VRK1: variants seen among roughly 807,000 people sequenced by gnomAD.
VRK1 encodes serine/threonine-protein kinase VRK1.
A neutral mutation model predicts 57.1 loss-of-function variants in VRK1; 33 were observed. The observed-to-expected ratio is 0.58, with a 90% CI of 0.44 to 0.77. VRK1 has a LOEUF of 0.77. VRK1 is among the 30% of genes least tolerant of loss of function. The pLI is 0.00. For synonymous variants in VRK1, 137 were observed against 147.8 expected (o/e 0.93, Z 0.53); for missense variants, 413 against 477.3 (o/e 0.87, Z 1.25).
At chr14:96,827,108 CACTAGGGA>C (rs1886825957) in intron 1 of VRK1, among the ~76,000 whole-genome samples, 1 of 147,154 alleles carries the variant, frequency 6.8e-6, no homozygotes, top group South Asian at 2.3e-4. Flanking sequence ...CAGGCAGGGG[CACTAGGGA>C]ACTTTATGGT....
chr14:96,868,198 T>C (rs1888659646), intron 11 of VRK1, among the ~76,000 whole-genome samples: 1 of 152,198 alleles, frequency 6.6e-6, no homozygotes, highest in Non-Finnish European at 1.5e-5. Context: ...TTCTCCAGTT[T>C]CTTTTTCTGG....
chr14:96,873,373 C>T (rs1030000930), intron 11 of VRK1, among the ~76,000 whole-genome samples: 2 of 152,148 alleles, frequency 1.3e-5, no homozygotes, highest in Non-Finnish European at 2.9e-5. Flanking sequence ...ATTAACTAAA[C>T]TTTAGCATAT....
chr14:96,800,342 A>G (rs1478536980), intron 1 of VRK1, among the ~76,000 whole-genome samples: 1 of 151,986 alleles, frequency 6.6e-6, no homozygotes, highest in East Asian at 1.9e-4. Context: ...ATCTCTCCCA[A>G]TGTTGTCTTA....
At chr14:96,853,607 G>A (rs550945173) in intron 7 of VRK1, among the ~76,000 whole-genome samples, 3 of 151,612 alleles carry the variant, frequency 2.0e-5, no homozygotes, top group African/African-American at 7.3e-5. Flanking sequence ...TATCTTAGCT[G>A]TCTAAATTTG....
chr14:96,810,286 A>G (rs1886119496), intron 1 of VRK1, among the ~76,000 whole-genome samples: 1 of 152,190 alleles, frequency 6.6e-6, no homozygotes, highest in Non-Finnish European at 1.5e-5. Flanking sequence ...TTTCACTCTC[A>G]TAAAGTTTTT....
intron 1 of VRK1, among the ~76,000 whole-genome samples, chr14:96,819,637 G>C (rs1886524032): frequency 6.6e-6 from 1 of 152,188 alleles, no homozygotes; most frequent in East Asian, 1.9e-4. Context: ...TTGCCAATGA[G>C]AAGTAAGTTA....
intron 12 of VRK1, among the ~76,000 whole-genome samples, chr14:96,878,756 G>T (rs977715221): frequency 5.3e-5 from 8 of 152,098 alleles, no homozygotes; most frequent in South Asian, 4.1e-4. Context: ...TTTATGCAAG[G>T]CATAATTTTT....
intron 1 of VRK1, among the ~76,000 whole-genome samples, chr14:96,807,918 A>G (rs1885944657): frequency 6.7e-6 from 1 of 150,330 alleles, no homozygotes; most frequent in South Asian, 2.1e-4. Context: ...GAAAGAAGTC[A>G]CTCTCTCTGT....
chr14:96,797,652 C>T (rs1313359308), intron 1 of VRK1, among the ~76,000 whole-genome samples: 1 of 152,134 alleles, frequency 6.6e-6, no homozygotes, highest in African/African-American at 2.4e-5. Context: ...CCGCTCCTTC[C>T]TTGTCTCGTT....
chr14:96,822,197 C>T (rs558566143), intron 1 of VRK1, among the ~76,000 whole-genome samples: 1 of 150,936 alleles, frequency 6.6e-6, no homozygotes, highest in Non-Finnish European at 1.5e-5. Flanking sequence ...GAGTTTTTGT[C>T]TGCTTTGTTC....
intron 1 of VRK1, among the ~76,000 whole-genome samples, chr14:96,802,520 A>G (rs1476772449): frequency 6.6e-6 from 1 of 152,228 alleles, no homozygotes; most frequent in Non-Finnish European, 1.5e-5. Flanking sequence ...GTATGATTCC[A>G]TTTATATAGG....
intron 1 of VRK1, among the ~76,000 whole-genome samples, chr14:96,814,761 T>TC (rs1371118275): frequency 6.6e-6 from 1 of 152,156 alleles, no homozygotes; most frequent in Non-Finnish European, 1.5e-5. Context: ...ACAAGGTTCT[T>TC]TCCTTGTATT....
At position 96,842,502 on chromosome 14, in the gene VRK1, G is replaced by C. The variant is rs1029924033; in HGVS notation, c.217-3593G>C. Among the ~76,000 whole-genome samples the C allele has an allele frequency of 7.2e-5, 11 of 152,244 alleles. No homozygotes were observed. In the East Asian group the frequency reaches 2.1e-3, roughly 29 times the overall value. The stretch of plus-strand genomic sequence containing the variant: ...AGCAGGATACAAAGTTCTATATATA[G>C]TATGAAGGTTGTCTTATAAAATGGC... On this transcript the variant is annotated intron_variant, in intron 3 of 12. Coordinates refer to ENST00000216639, the MANE Select transcript of VRK1 (RefSeq NM_003384.3).
intron 1 of VRK1, among the ~76,000 whole-genome samples, chr14:96,802,291 A>G (rs1885693561): frequency 6.6e-6 from 1 of 152,248 alleles, no homozygotes; most frequent in Admixed American, 6.5e-5. Flanking sequence ...AACGTTCACA[A>G]AAAAACCTGT....
chr14:96,802,011 T>C (rs1415417133), intron 1 of VRK1, among the ~76,000 whole-genome samples: 5 of 152,220 alleles, frequency 3.3e-5, no homozygotes, highest in African/African-American at 1.2e-4. Context: ...TAATCTGTTA[T>C]TTGGGAATCA....
intron 2 of VRK1, 59 bp downstream of exon 2, chr14:96,833,690 A>T: frequency 1.9e-6 from 3 of 1,609,978 alleles, no homozygotes; most frequent in Middle Eastern, 1.7e-4. Context: ...TCTTATGAAA[A>T]TGGTTTCTCA....
intron 2 of VRK1, among the ~76,000 whole-genome samples, chr14:96,836,627 A>G (rs868857105): frequency 2.1e-5 from 3 of 144,036 alleles, no homozygotes; most frequent in African/African-American, 7.8e-5. Context: ...GGTTCAAGTG[A>G]TTCTCCCACC....
At chr14:96,824,692 C>T (rs1486914478) in intron 1 of VRK1, among the ~76,000 whole-genome samples, 2 of 146,948 alleles carry the variant, frequency 1.4e-5, no homozygotes, top group East Asian at 2.0e-4. Flanking sequence ...TTCCCTCTGT[C>T]GCCCAGCCTG....
intron 4 of VRK1, among the ~76,000 whole-genome samples, 178 bp downstream of exon 4, chr14:96,846,342 C>G (rs1211083266): frequency 2.6e-5 from 4 of 152,016 alleles, no homozygotes; most frequent in Non-Finnish European, 1.5e-5. Context: ...TTTGTTGCAT[C>G]AAGATTTTAT....
Sources: allele counts gnomAD v4.1 joint callset (sites outside exome capture counted in the v4.1 genomes callset), GRCh38; gene constraint gnomAD v4.1.1; transcripts MANE v1.5; gene names NCBI Gene and HGNC (gene_info 2026-07-23, HGNC 2026-07-21).